SETDB2: variants seen among roughly 807,000 people sequenced by gnomAD.
SETDB2 encodes the protein SET domain bifurcated histone lysine methyltransferase 2.
In SETDB2, 56 loss-of-function variants were observed where a neutral mutation model predicts 82.5. That is an observed-to-expected ratio of 0.68 (90% CI 0.55 to 0.85). The LOEUF is 0.85. Among genes scored for constraint, SETDB2 ranks in the 40% least tolerant of loss-of-function variants. The probability of loss-of-function intolerance (pLI) is 0.00; values close to 1 mark genes in which losing one functional copy is unlikely to be tolerated. For missense variants in SETDB2, 677 were observed against 816.4 expected (o/e 0.83, Z 2.08); for synonymous variants, 272 against 284.9 (o/e 0.95, Z 0.46).
intron 4 of SETDB2, among the ~76,000 whole-genome samples, chr13:49,466,634 A>G (rs945721780): frequency 1.2e-4 from 18 of 152,022 alleles, no homozygotes; most frequent in Non-Finnish European, 1.3e-4. Flanking sequence ...CTCTTCAACT[A>G]TCAGACTTTT....
chr13:49,449,384 CA>C (rs1957747801), intron 1 of SETDB2, among the ~76,000 whole-genome samples: 1 of 151,926 alleles, frequency 6.6e-6, no homozygotes. Flanking sequence ...CCAAGTAGCC[CA>C]GATTACAGGT....
At chr13:49,482,426 A>G (rs1958498060) in intron 8 of SETDB2, 2 of 575,180 alleles carry the variant, frequency 3.5e-6, no homozygotes. Context: ...GGCTAGAGTC[A>G]TCTCTCTAAT....
At position 49,491,840 on chromosome 13, in the gene SETDB2, A is replaced by T. The variant is rs1958718814; in HGVS notation, c.2115A>T (p.Lys705Asn). ...GTGGGGTTAATAAATGTAGAAAAAAAATATTATAAATATGTAACTAACGCC... is the reference window on the plus strand; with the variant it reads ...GTGGGGTTAATAAATGTAGAAAAAATATATTATAAATATGTAACTAACGCC... The part of the protein sequence containing the change: ...CQCGVNKCRK[K>N]IL Residue 705 changes from lysine (K) to asparagine (N), a missense_variant, in exon 14 of 14, where the codon AAA (lysine) becomes AAT (asparagine). Physicochemically the swap from Lys to Asn is moderately conservative, Grantham distance 94. Transcript: ENST00000611815. 2 of 1,591,272 alleles carry T rather than the reference A, an allele frequency of 1.3e-6. No homozygotes were observed.
chr13:49,482,883 G>A lies in SETDB2; in HGVS notation c.1303G>A (p.Gly435Arg). 6.2e-7 allele frequency: 1 copy of A among 1,613,552 alleles called. No individual in the cohort carries two copies. Among genetic ancestry groups the A allele is most frequent in the Non-Finnish European group, 8.5e-7 (1 of 1,179,744 alleles). The part of the protein sequence containing the change: ...SDCEVEVLPL[G>R]LETHPRTAKT... ...TTGTGAAGTTGAAGTTCTCCCATTA[G>A]GATTGGAAACACATCCTAGAACTGC... Residue 435 changes from glycine (G) to arginine (R), a missense_variant, in exon 9 of 14, where the codon GGA becomes AGA. By Grantham distance (125) the Gly-to-Arg change is moderately radical (BLOSUM62 -2). This residue lies in a region of SETDB2 where 420 missense variants were observed against 554.6 expected (regional missense o/e 0.76). Coordinates refer to ENST00000611815, the MANE Select transcript of SETDB2 (RefSeq NM_001160308.3).
chr13:49,481,165 TC>T, intron 8 of SETDB2, 49 bp downstream of exon 8: 2 of 1,559,728 alleles, frequency 1.3e-6, no homozygotes, highest in Non-Finnish European at 1.8e-6. Flanking sequence ...AATCCACTTT[TC>T]TAAATATCCA....
At chr13:49,490,414 T>A (rs1958689342) in intron 12 of SETDB2, among the ~76,000 whole-genome samples, 1 of 152,026 alleles carries the variant, frequency 6.6e-6, no homozygotes, top group Non-Finnish European at 1.5e-5. Context: ...ATTTAACCAA[T>A]CTGCTTTAGG....
Position 49,460,932 on chromosome 13 carries a change from C to G in SETDB2, c.143-165C>G, listed in dbSNP as rs575590934. Among the ~76,000 whole-genome samples, 4 of 152,316 alleles carry G rather than the reference C, an allele frequency of 2.6e-5. No homozygotes were observed. The East Asian group carries it at 7.7e-4, about 29-fold the overall frequency. ...TAGCTGAATGTCCTGGAATAAATAG[C>G]TTAACCTCTGAGCCTCAGTTTCTTT... On this transcript the variant is annotated intron_variant, in intron 3 of 13. Coordinates refer to ENST00000611815, the MANE Select transcript of SETDB2 (RefSeq NM_001160308.3).
intron 11 of SETDB2, 68 bp from the exon 12 acceptor site, chr13:49,488,222 G>C: frequency 1.3e-6 from 2 of 1,505,836 alleles, no homozygotes; most frequent in East Asian, 2.3e-5. Flanking sequence ...TCTAATTAGT[G>C]TTGTTAATTT....
intron 2 of SETDB2, among the ~76,000 whole-genome samples, chr13:49,456,661 AAG>A (rs1460646894): frequency 6.6e-6 from 1 of 152,188 alleles, no homozygotes; most frequent in Non-Finnish European, 1.5e-5. Context: ...ACAATGCCGA[AAG>A]AAGTGAAGAT....
intron 1 of SETDB2, among the ~76,000 whole-genome samples, chr13:49,450,445 G>A (rs569187423): frequency 1.3e-5 from 2 of 152,034 alleles, no homozygotes; most frequent in South Asian, 4.1e-4. Context: ...TTTCAAAATT[G>A]TGTGTTATTT....
chr13:49,481,419 A>G (rs755210696), intron 8 of SETDB2, among the ~76,000 whole-genome samples: 10 of 151,958 alleles, frequency 6.6e-5, no homozygotes, highest in Non-Finnish European at 1.2e-4. Flanking sequence ...GGGTAAGGGA[A>G]TAAAACTTGT....
At chr13:49,465,472 A>G (rs1022805841) in intron 4 of SETDB2, among the ~76,000 whole-genome samples, 2 of 152,182 alleles carry the variant, frequency 1.3e-5, no homozygotes, top group Non-Finnish European at 2.9e-5. Flanking sequence ...AACTCTTATT[A>G]TTTGTAAAAT....
At chr13:49,477,298 T>G (rs1224419588) in intron 6 of SETDB2, among the ~76,000 whole-genome samples, 2 of 152,050 alleles carry the variant, frequency 1.3e-5, no homozygotes, top group Admixed American at 1.3e-4. Context: ...TAGCTGGGTA[T>G]GGTGGTGTGC....
At chr13:49,457,752 AC>A (rs1015306122) in intron 2 of SETDB2, among the ~76,000 whole-genome samples, 2 of 152,200 alleles carry the variant, frequency 1.3e-5, no homozygotes, top group African/African-American at 4.8e-5. Flanking sequence ...GATAAAAAAA[AC>A]AAAAATTCAT....
intron 4 of SETDB2, among the ~76,000 whole-genome samples, chr13:49,465,126 TGA>T (rs980577407): frequency 6.6e-6 from 1 of 151,668 alleles, no homozygotes; most frequent in Non-Finnish European, 1.5e-5. Flanking sequence ...AGGTTGGGAA[TGA>T]GAGAAACAAA....
At chr13:49,483,329 A>G in intron 9 of SETDB2, 135 bp from the exon 10 acceptor site, 1 of 424,502 alleles carries the variant, frequency 2.4e-6, no homozygotes, top group Non-Finnish European at 4.2e-6. Flanking sequence ...GGAAAGGAAT[A>G]AACATAGATG....
intron 3 of SETDB2, 93 bp downstream of exon 3, chr13:49,460,325 A>G: frequency 7.7e-7 from 1 of 1,292,022 alleles, no homozygotes; most frequent in Non-Finnish European, 1.0e-6. Context: ...GCTGTTTGTA[A>G]AAGTAGATGG....
chr13:49,476,006 G>T lies in SETDB2; in HGVS notation c.306-470G>T, dbSNP rs1229656434. Among the ~76,000 whole-genome samples the T allele has an allele frequency of 2.0e-5, 3 of 152,076 alleles. No homozygotes were observed. In the South Asian group the frequency reaches 6.2e-4, roughly 32 times the overall value. ...CATGCAAAGAGCTTGATCTCAGCATGCCTGAAGAAGTAACCTTCTTCAGTG... is the reference window on the plus strand; with the variant it reads ...CATGCAAAGAGCTTGATCTCAGCATTCCTGAAGAAGTAACCTTCTTCAGTG... On this transcript the variant is annotated intron_variant, in intron 5 of 13. Transcript: ENST00000611815.
At chr13:49,472,827 A>G (rs1283855416) in intron 5 of SETDB2, among the ~76,000 whole-genome samples, 10 of 152,098 alleles carry the variant, frequency 6.6e-5, no homozygotes. Flanking sequence ...CTCTTCTTAA[A>G]TGTAAAACAT....
Sources: allele counts gnomAD v4.1 joint callset (sites outside exome capture counted in the v4.1 genomes callset), GRCh38; gene constraint gnomAD v4.1.1; regional missense constraint gnomAD v4.1.1; transcripts MANE v1.5; gene names NCBI Gene and HGNC (gene_info 2026-07-23, HGNC 2026-07-21).